PCDHA2: variants seen among roughly 807,000 people sequenced by gnomAD.
The protein encoded by PCDHA2 is protocadherin alpha 2.
PCDHA2 carries 58 observed loss-of-function variants against 66.0 expected under a neutral mutation model. The ratio of observed to expected loss-of-function variants is 0.88; its 90% CI spans 0.71 to 1.09. PCDHA2 has a LOEUF of 1.09. Ranked by LOEUF, PCDHA2 falls within the 50% of genes least tolerant of loss-of-function variation. The probability of loss-of-function intolerance (pLI) is 0.00; values close to 1 mark genes in which losing one functional copy is unlikely to be tolerated. For missense variants in PCDHA2, 1,267 were observed against 1,242.3 expected (o/e 1.02, Z -0.30); for synonymous variants, 634 against 554.0 (o/e 1.14, Z -2.03).
chr5:141,010,949 C>T lies in PCDHA2; in HGVS notation c.*1012C>T, dbSNP rs1554263219. The T allele has an allele frequency of 6.5e-6, 1 of 153,762 alleles. No individual in the cohort carries two copies. Among genetic ancestry groups the T allele is most frequent in the African/African-American group, 2.4e-5 (1 of 41,442 alleles). 9.5% of individuals were successfully genotyped at this position (153,762 alleles called of 1,614,324 possible). On this transcript the variant is annotated 3_prime_UTR_variant, in exon 4 of 4. Transcript: ENST00000526136. ...TTCAGTCTACAGCCATTTAAATGAT[C>T]ATTGCTGCTACAGAAGTGCTTTAAG...
rs1414020840 is a variant in PCDHA2, at chr5:140,920,855, AAAAC to A, written c.2389-58085_2389-58082del. On this transcript the variant is annotated intron_variant, in intron 1 of 3. Transcript: ENST00000526136. ...AAGACCAAATCTAAAAAAAAAAAAA[AAAAC>A]AAACAAACTGTGGCCCTTAGAACTT... Among the ~76,000 whole-genome samples the A allele has an allele frequency of 3.9e-5, 6 of 152,094 alleles. No homozygotes were observed. The East Asian group carries it at 5.8e-4, about 15-fold the overall frequency.
chr5:140,922,465 T>G (rs116670359), intron 1 of PCDHA2, among the ~76,000 whole-genome samples: 1 of 152,190 alleles, frequency 6.6e-6, no homozygotes, highest in African/African-American at 2.4e-5. Flanking sequence ...CAACACAAAA[T>G]AGGAGAGAAG....
In PCDHA2 at chr5:140,797,406, CTA is replaced by C. The variant is rs1762226091; in HGVS notation, c.2388+58_2388+59del. On this transcript the variant is annotated intron_variant, in intron 1 of 3. Coordinates refer to ENST00000526136, the MANE Select transcript of PCDHA2 (RefSeq NM_018905.3). ...CTAAAATTGTTCTTTTTAAAAAATT[CTA>C]TATGATTTCTACTAGTTATTTAGAT... 3 of 1,539,164 alleles carry C rather than the reference CTA, an allele frequency of 1.9e-6. No homozygotes were observed. In the African/African-American group the frequency reaches 4.1e-5, roughly 21 times the overall value.
intron 1 of PCDHA2, chr5:140,830,076 C>T (rs2150180752): frequency 3.8e-5 from 61 of 1,613,536 alleles, no homozygotes; most frequent in Non-Finnish European, 4.8e-5. Context: ...CTGACAGCGA[C>T]GGCCACGGTT....
chr5:140,870,763 G>T (rs1386684596), intron 1 of PCDHA2: 1 of 1,613,434 alleles, frequency 6.2e-7, no homozygotes, highest in African/African-American at 1.3e-5. Context: ...GCAGGTGTTC[G>T]TGCTGGACGA....
chr5:140,830,233 G>C, intron 1 of PCDHA2: 1 of 1,613,906 alleles, frequency 6.2e-7, no homozygotes, highest in Non-Finnish European at 8.5e-7. Flanking sequence ...TGGTCCTCAC[G>C]CTACTGCTGT....
rs781872854 is a variant in PCDHA2 at position 140,856,136 on chromosome 5, C to T, written c.2388+58784C>T. On this transcript the variant is annotated intron_variant, in intron 1 of 3. Coordinates refer to ENST00000526136, the MANE Select transcript of PCDHA2 (RefSeq NM_018905.3). ...AGCCTGGGAGGTGGGGAGCGGCCAGCTCCACTACTCAGTCTACGAGGAGGC... is the reference window on the plus strand; with the variant it reads ...AGCCTGGGAGGTGGGGAGCGGCCAGTTCCACTACTCAGTCTACGAGGAGGC... 28 of 1,598,232 alleles carry T rather than the reference C, an allele frequency of 1.8e-5. 1 individual carries two copies. Among genetic ancestry groups the T allele is most frequent in the Non-Finnish European group, 2.4e-5 (28 of 1,167,860 alleles).
At chr5:140,850,300 G>T in intron 1 of PCDHA2, 2 of 1,596,680 alleles carry the variant, frequency 1.3e-6, no homozygotes, top group Non-Finnish European at 1.7e-6. Context: ...GCCGACTCGG[G>T]CTACAACGCG....
At chr5:140,829,637 A>G in intron 1 of PCDHA2, 2 of 1,612,300 alleles carry the variant, frequency 1.2e-6, no homozygotes, top group Non-Finnish European at 1.7e-6. Context: ...GGAGAGCGGC[A>G]AGGTGTACGC....
chr5:140,856,813 G>T (rs150906180), intron 1 of PCDHA2: 1 of 1,594,284 alleles, frequency 6.3e-7, no homozygotes, highest in East Asian at 2.2e-5. Context: ...AAAATCAAGT[G>T]AACCAAACAT....
At position 140,846,059 on chromosome 5, in the gene PCDHA2, G is replaced by A. The variant is rs1780185610; in HGVS notation, c.2388+48707G>A. ...AGTCAAGTTAACACCACCTATGTGG[G>A]AAAACAGTTTTTTGGAAAGGTTAAA... On this transcript the variant is annotated intron_variant, in intron 1 of 3. Coordinates refer to ENST00000526136, the MANE Select transcript of PCDHA2 (RefSeq NM_018905.3). 2.0e-5 allele frequency among the ~76,000 whole-genome samples: 3 copies of A among 149,674 alleles called. No individual in the cohort carries two copies. The South Asian group carries it at 6.3e-4, about 32-fold the overall frequency.
intron 1 of PCDHA2, among the ~76,000 whole-genome samples, chr5:140,958,399 T>C (rs1554223458): frequency 6.6e-6 from 1 of 152,178 alleles, no homozygotes; most frequent in African/African-American, 2.4e-5. Flanking sequence ...CATCAAACAT[T>C]ATCACTGATG....
At chr5:140,861,404 G>A in intron 1 of PCDHA2, 2 of 468,962 alleles carry the variant, frequency 4.3e-6, no homozygotes, top group East Asian at 5.7e-5. Flanking sequence ...AGCTTGTGGA[G>A]CTGATACCGC....
rs1554262625 is a variant in PCDHA2, at chr5:141,009,974, T to A, written c.*37T>A. 3 of 1,585,642 alleles carry A rather than the reference T, an allele frequency of 1.9e-6. No homozygotes were observed. The highest frequency in any genetic ancestry group is 2.6e-6 in the Non-Finnish European group (3 of 1,169,212). ...GGAAACAAGCCACTTAGCCAGTTTT[T>A]GTAATAATGGCAAATCTCTCCCATG... On this transcript the variant is annotated 3_prime_UTR_variant, in exon 4 of 4. Transcript: ENST00000526136.
At chr5:140,911,814 C>T (rs1165066555) in intron 1 of PCDHA2, among the ~76,000 whole-genome samples, 2 of 152,136 alleles carry the variant, frequency 1.3e-5, no homozygotes, top group African/African-American at 4.8e-5. Context: ...GCAGCCTTCT[C>T]CAGAAACCCC....
At chr5:140,856,537 G>C (rs782543512) in intron 1 of PCDHA2, 2 of 1,598,372 alleles carry the variant, frequency 1.3e-6, no homozygotes, top group East Asian at 4.5e-5. Context: ...ATGTTGGAGA[G>C]AACGCATTGC....
chr5:140,823,235 C>T (rs2150123830), intron 1 of PCDHA2: 4 of 1,613,550 alleles, frequency 2.5e-6, no homozygotes, highest in African/African-American at 1.3e-5. Context: ...CAGGAGAACG[C>T]CCTGGTGTCC....
At chr5:140,941,255 C>CTCTT (rs1554214207) in intron 1 of PCDHA2, among the ~76,000 whole-genome samples, 2 of 44,508 alleles carry the variant, frequency 4.5e-5, no homozygotes, top group African/African-American at 1.4e-4. Context: ...TTCTTTCTTT[C>CTCTT]TCTTTCTTTC....
intron 1 of PCDHA2, among the ~76,000 whole-genome samples, chr5:140,944,948 A>T (rs1425847139): frequency 6.6e-6 from 1 of 152,200 alleles, no homozygotes; most frequent in African/African-American, 2.4e-5. Context: ...ATGATTGTGA[A>T]TAAGAGTATT....
Sources: allele counts gnomAD v4.1 joint callset (sites outside exome capture counted in the v4.1 genomes callset), GRCh38; gene constraint gnomAD v4.1.1; transcripts MANE v1.5; gene names NCBI Gene and HGNC (gene_info 2026-07-23, HGNC 2026-07-21).